The following PKP2 variants were observed in gnomAD, a reference collection of about 807,000 sequenced individuals.
The protein encoded by PKP2 is plakophilin 2, also known as plakophilin-2.
In PKP2, 73 loss-of-function variants were observed where a neutral mutation model predicts 83.4. That is an observed-to-expected ratio of 0.88 (90% CI 0.72 to 1.06). The LOEUF is 1.06. Among genes scored for constraint, PKP2 ranks in the 50% least tolerant of loss-of-function variants. The pLI, the probability that PKP2 is intolerant of heterozygous loss-of-function variation, is 0.00. For missense variants in PKP2, 966 were observed against 1,065.4 expected (o/e 0.91, Z 1.30); for synonymous variants, 409 against 430.4 (o/e 0.95, Z 0.62).
rs572934689 is a variant in PKP2, at chr12:32,833,400, G to T, written c.1556+7628C>A. Among the ~76,000 whole-genome samples, 4 of 152,308 alleles carry T rather than the reference G, an allele frequency of 2.6e-5. No homozygotes were observed. The East Asian group carries it at 5.8e-4, about 22-fold the overall frequency. On this transcript the variant is annotated intron_variant, in intron 6 of 12. Transcript: ENST00000340811. ...TGGTGTGTATGTGCTGGAGAAGACA[G>T]TTGTAACTGAATGCATTAAAAATGT...
chr12:32,886,138 G>A (rs1036782223), intron 1 of PKP2, among the ~76,000 whole-genome samples: 2 of 152,186 alleles, frequency 1.3e-5, no homozygotes, highest in African/African-American at 4.8e-5. Flanking sequence ...TAACAACCGT[G>A]AGCAGTTGTC....
At chr12:32,885,401 C>T (rs1957022283) in intron 1 of PKP2, among the ~76,000 whole-genome samples, 1 of 152,180 alleles carries the variant, frequency 6.6e-6, no homozygotes, top group Admixed American at 6.5e-5. Flanking sequence ...CGCCTGTAAT[C>T]CCAGCACTTT....
chr12:32,817,460 T>A (rs1956330605), intron 9 of PKP2, among the ~76,000 whole-genome samples: 1 of 152,230 alleles, frequency 6.6e-6, no homozygotes, highest in African/African-American at 2.4e-5. Flanking sequence ...GCTGTCCATG[T>A]CTTGTTTATG....
Position 32,796,343 on chromosome 12 carries a change from T to C in PKP2, c.2168-45A>G, listed in dbSNP as rs541154413. 32 of 1,478,562 alleles carry C rather than the reference T, an allele frequency of 2.2e-5. No homozygotes were observed. In the African/African-American group the frequency reaches 3.9e-4, roughly 18 times the overall value. 91.6% of individuals were successfully genotyped at this position (1,478,562 alleles called of 1,614,324 possible). ...ACAAAACACTTGATTAAAAAGATTGTTTCTTAATCCCAAGATCCCAATATA... is the reference window on the plus strand; with the variant it reads ...ACAAAACACTTGATTAAAAAGATTGCTTCTTAATCCCAAGATCCCAATATA... On this transcript the variant is annotated intron_variant, in intron 10 of 12. Coordinates refer to ENST00000340811, the MANE Select transcript of PKP2 (RefSeq NM_001005242.3).
intron 6 of PKP2, among the ~76,000 whole-genome samples, chr12:32,833,104 G>A (rs374894397): frequency 6.6e-6 from 1 of 152,122 alleles, no homozygotes; most frequent in South Asian, 2.1e-4. Flanking sequence ...CCAGCTGGGC[G>A]AGGTGCCGTG....
At chr12:32,814,086 G>C (rs1956300043) in intron 9 of PKP2, among the ~76,000 whole-genome samples, 1 of 152,104 alleles carries the variant, frequency 6.6e-6, no homozygotes, top group African/African-American at 2.4e-5. Context: ...AGGGACGTTT[G>C]GCACTCTCTG....
Position 32,841,051 on chromosome 12 carries a change from G to A in PKP2, c.1533C>T (p.Phe511=), listed in dbSNP as rs745481390. 1 of 1,613,604 alleles carries A rather than the reference G, an allele frequency of 6.2e-7. No individual in the cohort carries two copies. Among genetic ancestry groups the A allele is most frequent in the South Asian group, 1.1e-5 (1 of 91,042 alleles). Residue 511 remains phenylalanine, a synonymous_variant, in exon 6 of 13, where the codon TTC becomes TTT. Transcript: ENST00000340811. ...KANGLLDFDI[F]YNVTGCLRNM... The stretch of plus-strand genomic sequence containing the variant: ...ACCTTAGGCATCCAGTGACGTTGTA[G>A]AATATGTCAAAATCGAGCAAACCAT...
intron 6 of PKP2, among the ~76,000 whole-genome samples, chr12:32,835,807 G>C (rs1956541626): frequency 6.6e-6 from 1 of 152,134 alleles, no homozygotes; most frequent in African/African-American, 2.4e-5. Context: ...CTGACTTACA[G>C]AGTTTACCAA....
At chr12:32,824,200 G>A (rs1440133615) in intron 6 of PKP2, 38 bp from the exon 7 acceptor site, 1 of 1,344,622 alleles carries the variant, frequency 7.4e-7, no homozygotes, top group Non-Finnish European at 1.1e-6. Context: ...GTAAGTCTAG[G>A]CTGTGTATCC....
intron 6 of PKP2, among the ~76,000 whole-genome samples, chr12:32,826,461 G>A (rs753616312): frequency 2.8e-4 from 43 of 152,066 alleles, no homozygotes; most frequent in Non-Finnish European, 6.0e-4. Context: ...ATGATTCAAC[G>A]TGACAGTTGA....
intron 6 of PKP2, among the ~76,000 whole-genome samples, chr12:32,834,067 A>C (rs1055157925): frequency 1.3e-5 from 2 of 152,198 alleles, no homozygotes; most frequent in African/African-American, 2.4e-5. Flanking sequence ...CTCATCCTTT[A>C]ACAGCTCTTT....
At chr12:32,800,253 A>G (rs988108402) in intron 10 of PKP2, among the ~76,000 whole-genome samples, 1 of 152,210 alleles carries the variant, frequency 6.6e-6, no homozygotes, top group Admixed American at 6.5e-5. Flanking sequence ...ATAGTAATGA[A>G]TTGTGTGACT....
At chr12:32,824,338 C>A in intron 6 of PKP2, 176 bp from the exon 7 acceptor site, 1 of 621,934 alleles carries the variant, frequency 1.6e-6, no homozygotes, top group South Asian at 1.8e-5. Context: ...CAACTATGAA[C>A]ATACTTTCTA....
intron 10 of PKP2, among the ~76,000 whole-genome samples, chr12:32,801,178 G>A (rs1054374149): frequency 8.5e-5 from 13 of 152,224 alleles, no homozygotes; most frequent in Admixed American, 2.0e-4. Flanking sequence ...TGTGGCTACA[G>A]CTATACCTTC....
intron 4 of PKP2, among the ~76,000 whole-genome samples, chr12:32,855,773 C>CAAAGAAAA (rs1956741928): frequency 2.1e-5 from 1 of 46,864 alleles, no homozygotes; most frequent in Non-Finnish European, 3.7e-5. Context: ...GACTCCATCT[C>CAAAGAAAA]AAAAAAAAAA....
intron 9 of PKP2, among the ~76,000 whole-genome samples, chr12:32,809,187 A>G (rs980959853): frequency 6.6e-6 from 1 of 152,116 alleles, no homozygotes; most frequent in Admixed American, 6.5e-5. Flanking sequence ...CCAGGGAGAG[A>G]TCAGAGCTCT....
intron 6 of PKP2, among the ~76,000 whole-genome samples, chr12:32,825,314 G>GCC (rs1292169028): frequency 2.6e-5 from 4 of 151,982 alleles, no homozygotes; most frequent in African/African-American, 9.6e-5. Flanking sequence ...GACTACAGGC[G>GCC]TGCGTCACTA....
chr12:32,830,420 G>GT (rs1176464728), intron 6 of PKP2, among the ~76,000 whole-genome samples: 2 of 152,166 alleles, frequency 1.3e-5, no homozygotes, highest in African/African-American at 2.4e-5. Flanking sequence ...TTTCCTGAAG[G>GT]TATCAGCAAA....
At chr12:32,895,195 A>AT (rs1158490376) in intron 1 of PKP2, among the ~76,000 whole-genome samples, 2 of 151,316 alleles carry the variant, frequency 1.3e-5, no homozygotes, top group Admixed American at 6.6e-5. Context: ...TTAAATACAT[A>AT]TATATATATA....
Sources: gnomAD v4.1 joint callset for allele counts (sites outside exome capture counted in the v4.1 genomes callset) on GRCh38, gnomAD v4.1.1 for gene constraint, MANE v1.5 for transcripts, NCBI Gene and HGNC (gene_info 2026-07-23, HGNC 2026-07-21) for gene names.